The following NFATC3 variants were observed in gnomAD, a reference collection of about 807,000 sequenced individuals.
NFATC3 encodes the protein nuclear factor of activated T-cells, cytoplasmic 3.
A neutral mutation model predicts 98.6 loss-of-function variants in NFATC3; 46 were observed. That is an observed-to-expected ratio of 0.47 (90% CI 0.37 to 0.60). The LOEUF is 0.60. Ranked by LOEUF, NFATC3 falls within the 20% of genes least tolerant of loss-of-function variation. The pLI is 0.00. For missense variants in NFATC3, 1,256 were observed against 1,295.5 expected (o/e 0.97, Z 0.47); for synonymous variants, 512 against 472.2 (o/e 1.08, Z -1.09).
In NFATC3 at chr16:68,158,100, CT is replaced by C. The variant is rs772904957; in HGVS notation, c.1601+39del. ...TGAAATATACCTAAAATGTGCAGTTCTTTTTTTCTCTATACTTTCAGAAAAA... is the reference window on the plus strand; with the variant it reads ...TGAAATATACCTAAAATGTGCAGTTCTTTTTTCTCTATACTTTCAGAAAAA... On this transcript the variant is annotated intron_variant, in intron 4 of 9. Transcript: ENST00000346183. 1.1e-5 allele frequency: 15 copies of C among 1,414,016 alleles called. No homozygotes were observed. The Admixed American group carries it at 2.0e-4, about 19-fold the overall frequency. 87.6% of individuals were successfully genotyped at this position (1,414,016 alleles called of 1,614,324 possible). A position where few individuals can be genotyped will look rare whatever the true frequency, so the allele number is the denominator to read the frequency against.
intron 9 of NFATC3, chr16:68,209,831 G>A (rs998912478): frequency 2.7e-6 from 1 of 364,016 alleles, no homozygotes; most frequent in Admixed American, 3.4e-5. Flanking sequence ...TAACCCCCCT[G>A]CCCCCCAACA....
chr16:68,211,992 C>CATAGTGT (rs2041424855), intron 9 of NFATC3, among the ~76,000 whole-genome samples: 2 of 152,310 alleles, frequency 1.3e-5, no homozygotes, highest in African/African-American at 4.8e-5. Flanking sequence ...CAAAAGCTCC[C>CATAGTGT]ATAGTGTGTG....
In NFATC3 at chr16:68,223,757, C is replaced by T. The variant is rs537909635; in HGVS notation, c.3107-2593C>T. Among the ~76,000 whole-genome samples the T allele has an allele frequency of 1.9e-4, 29 of 151,244 alleles. No individual in the cohort carries two copies. The South Asian group carries it at 3.6e-3, about 19-fold the overall frequency. ...TAAAAATACAAAAATTAGCCGGGCA[C>T]GATGGCGGGCACCTGTAATCCTAGC... is the stretch of plus-strand genomic sequence containing the variant. On this transcript the variant is annotated intron_variant, in intron 9 of 9. Transcript: ENST00000346183.
At position 68,191,406 on chromosome 16, in the gene NFATC3, A is replaced by AT. The variant is rs1470603844; in HGVS notation, c.2739dup (p.Thr914TyrfsTer23). Reference sequence around the variant, plus strand: ...TCAGCCTTCGTCTCAGTTACAACCTATTACATATGGTCCTTCACATTCAGG... The same window carrying AT: ...TCAGCCTTCGTCTCAGTTACAACCTATTTACATATGGTCCTTCACATTCAGG... On this transcript the variant is annotated frameshift_variant, in exon 9 of 10. Coordinates refer to ENST00000346183, the MANE Select transcript of NFATC3 (RefSeq NM_173165.3). LOFTEE classifies it high-confidence loss of function. 1 of 1,613,964 alleles carries AT rather than the reference A, an allele frequency of 6.2e-7. No individual in the cohort carries two copies. The highest frequency in any genetic ancestry group is 8.5e-7 in the Non-Finnish European group (1 of 1,180,018).
At chr16:68,156,122 C>G (rs895470039) in intron 3 of NFATC3, among the ~76,000 whole-genome samples, 1 of 151,964 alleles carries the variant, frequency 6.6e-6, no homozygotes, top group Non-Finnish European at 1.5e-5. Context: ...ACCAGCCTGG[C>G]CAACATGGTG....
chr16:68,225,847 A>T (rs1466655472), intron 9 of NFATC3: 1 of 152,296 alleles, frequency 6.6e-6, no homozygotes, highest in African/African-American at 2.4e-5. Context: ...GACATCAGAG[A>T]AATTAACAGA....
intron 8 of NFATC3, among the ~76,000 whole-genome samples, chr16:68,187,872 C>G (rs1041541044): frequency 7.2e-5 from 11 of 152,178 alleles, no homozygotes; most frequent in African/African-American, 2.2e-4. Flanking sequence ...CAGGCCTTCT[C>G]CACCCTGAAG....
intron 8 of NFATC3, among the ~76,000 whole-genome samples, chr16:68,184,998 TTGA>T (rs2040121901): frequency 2.0e-5 from 3 of 151,894 alleles, no homozygotes; most frequent in African/African-American, 7.3e-5. Flanking sequence ...TTTTTTTTTT[TTGA>T]GAGAGAGTCT....
At chr16:68,192,214 A>G (rs2040441868) in intron 9 of NFATC3, 1 of 31,564 alleles carries the variant, frequency 3.2e-5, no homozygotes, top group African/African-American at 9.0e-5. Context: ...TCTCGGGAAA[A>G]AAAAAAAAAA....
intron 1 of NFATC3, among the ~76,000 whole-genome samples, chr16:68,114,350 G>C (rs1471465821): frequency 6.6e-6 from 1 of 151,940 alleles, no homozygotes; most frequent in South Asian, 2.1e-4. Flanking sequence ...CTCTTAGTGG[G>C]AGCCGCAGAC....
In NFATC3 at chr16:68,191,672, G is replaced by A. The variant is rs771552147; in HGVS notation, c.3003G>A (p.Ala1001=). 24 of 1,613,998 alleles carry A rather than the reference G, an allele frequency of 1.5e-5. No individual in the cohort carries two copies. The highest frequency in any genetic ancestry group is 1.0e-4 in the Admixed American group (6 of 59,982). Residue 1001 remains alanine (A), a synonymous_variant, in exon 9 of 10, where the codon GCG becomes GCA. Coordinates refer to ENST00000346183, the MANE Select transcript of NFATC3 (RefSeq NM_173165.3). Reference sequence around the variant, plus strand: ...TATGTCACAGTTTGTGTGATCCAGCGTCATTTCCACCTGATGGGGCAACTG... The same window carrying A: ...TATGTCACAGTTTGTGTGATCCAGCATCATTTCCACCTGATGGGGCAACTG... The part of the protein sequence containing the change: ...SLICHSLCDP[A]SFPPDGATVS...
chr16:68,173,275 T>A (rs1258407588), intron 5 of NFATC3, among the ~76,000 whole-genome samples: 3 of 150,720 alleles, frequency 2.0e-5, no homozygotes, highest in Admixed American at 2.0e-4. Context: ...TTAAAAAAAA[T>A]AAAAATATAG....
At chr16:68,202,855 TTAAA>T (rs2040986396) in intron 9 of NFATC3, among the ~76,000 whole-genome samples, 1 of 151,756 alleles carries the variant, frequency 6.6e-6, no homozygotes, top group Non-Finnish European at 1.5e-5. Flanking sequence ...ATAAATAAAA[TTAAA>T]TAAAAGCCAT....
At chr16:68,138,844 A>G in intron 3 of NFATC3, 1 of 1,170,418 alleles carries the variant, frequency 8.5e-7, no homozygotes, top group Non-Finnish European at 1.1e-6. Context: ...AATCATGGCT[A>G]AGTCACTAAT....
At chr16:68,206,174 T>G (rs1007696889) in intron 9 of NFATC3, among the ~76,000 whole-genome samples, 2 of 152,226 alleles carry the variant, frequency 1.3e-5, no homozygotes, top group Non-Finnish European at 2.9e-5. Flanking sequence ...TTTAAGTTAA[T>G]GGTTAGAGCT....
chr16:68,205,452 C>T (rs1348799991), intron 9 of NFATC3, among the ~76,000 whole-genome samples: 1 of 152,064 alleles, frequency 6.6e-6, no homozygotes, highest in African/African-American at 2.4e-5. Context: ...GCTTTTACTA[C>T]GTTGCTCAGG....
chr16:68,112,402 C>G (rs752204999), intron 1 of NFATC3, among the ~76,000 whole-genome samples: 1 of 150,532 alleles, frequency 6.6e-6, no homozygotes, highest in Non-Finnish European at 1.5e-5. Flanking sequence ...CTCAGCCGCC[C>G]GAGTAGCTGG....
At chr16:68,169,591 T>G (rs1429437162) in intron 5 of NFATC3, among the ~76,000 whole-genome samples, 1 of 152,090 alleles carries the variant, frequency 6.6e-6, no homozygotes, top group Non-Finnish European at 1.5e-5. Flanking sequence ...ATAGAGTAGT[T>G]TGAGTGTTTG....
At chr16:68,134,492 C>A (rs1391563365) in intron 3 of NFATC3, among the ~76,000 whole-genome samples, 1 of 152,164 alleles carries the variant, frequency 6.6e-6, no homozygotes, top group East Asian at 1.9e-4. Flanking sequence ...TGTGCCCAGC[C>A]AGCTCATCTT....
Sources: allele counts gnomAD v4.1 joint callset (sites outside exome capture counted in the v4.1 genomes callset), GRCh38; gene constraint gnomAD v4.1.1; transcripts MANE v1.5; gene names NCBI Gene and HGNC (gene_info 2026-07-23, HGNC 2026-07-21).